Variants in SLC25A13 observed in about 807,000 individuals in gnomAD.
SLC25A13 encodes the protein solute carrier family 25 member 13.
Under a neutral mutation model 85.5 loss-of-function variants are expected in SLC25A13, and 70 were observed. That is an observed-to-expected ratio of 0.82 (90% CI 0.68 to 1.00). The LOEUF (loss-of-function observed/expected upper bound fraction) is 1.00. SLC25A13 is among the 50% of genes least tolerant of loss of function. SLC25A13 has a pLI of 0.00. For synonymous variants in SLC25A13, 259 were observed against 288.7 expected (o/e 0.90, Z 1.04); for missense variants, 765 against 819.8 (o/e 0.93, Z 0.82).
chr7:96,219,721 T>A, intron 4 of SLC25A13: 1 of 534,620 alleles, frequency 1.9e-6, no homozygotes, highest in Admixed American at 1.9e-5. Flanking sequence ...TCTACACTAT[T>A]ACAATGAGAA....
chr7:96,289,119 C>T (rs1799009533), intron 2 of SLC25A13, among the ~76,000 whole-genome samples: 1 of 152,236 alleles, frequency 6.6e-6, no homozygotes, highest in South Asian at 2.1e-4. Flanking sequence ...TGTTCTGCAG[C>T]CTCCGCTGCT....
At chr7:96,226,321 T>C (rs1363633916) in intron 4 of SLC25A13, among the ~76,000 whole-genome samples, 3 of 152,222 alleles carry the variant, frequency 2.0e-5, no homozygotes, top group Non-Finnish European at 4.4e-5. Context: ...TCAAGGTTCA[T>C]TCATGTTGTC....
intron 11 of SLC25A13, among the ~76,000 whole-genome samples, chr7:96,172,781 C>A (rs915915534): frequency 1.3e-5 from 2 of 151,424 alleles, no homozygotes; most frequent in Admixed American, 1.3e-4. Flanking sequence ...TTTTTTTTGA[C>A]GGAGTCTCAC....
intron 4 of SLC25A13, among the ~76,000 whole-genome samples, chr7:96,223,301 C>T (rs114357889): frequency 0.015 from 2,240 of 152,152 alleles, 51 homozygotes; most frequent in African/African-American, 0.051. Flanking sequence ...TAAAATTGCA[C>T]GTAAAACATA....
intron 13 of SLC25A13, among the ~76,000 whole-genome samples, chr7:96,152,188 C>T (rs1020498561): frequency 1.3e-5 from 2 of 152,032 alleles, no homozygotes; most frequent in Non-Finnish European, 2.9e-5. Context: ...CTGGAGCCAA[C>T]TCATGGAAGG....
chr7:96,124,852 TAC>T (rs1040096567), intron 15 of SLC25A13, among the ~76,000 whole-genome samples: 3 of 152,216 alleles, frequency 2.0e-5, no homozygotes, highest in African/African-American at 7.2e-5. Context: ...ATTTAAACGT[TAC>T]ATGCATTTGT....
intron 4 of SLC25A13, among the ~76,000 whole-genome samples, chr7:96,221,948 T>C (rs1796145920): frequency 6.6e-6 from 1 of 152,188 alleles, no homozygotes; most frequent in Admixed American, 6.5e-5. Flanking sequence ...TTAACTAGCT[T>C]AGAAATCGCC....
intron 5 of SLC25A13, among the ~76,000 whole-genome samples, chr7:96,201,492 A>T (rs1795254090): frequency 7.2e-6 from 1 of 139,540 alleles, no homozygotes; most frequent in African/African-American, 2.7e-5. Flanking sequence ...AGCCTGGGTG[A>T]CAGAGTGAGA....
chr7:96,155,674 T>C (rs892313350), intron 13 of SLC25A13, among the ~76,000 whole-genome samples: 13 of 152,210 alleles, frequency 8.5e-5, no homozygotes, highest in African/African-American at 2.2e-4. Flanking sequence ...AAAGAAGAGA[T>C]AGCTGTAACT....
chr7:96,284,149 T>C (rs1201908178), intron 2 of SLC25A13, among the ~76,000 whole-genome samples: 3 of 152,054 alleles, frequency 2.0e-5, no homozygotes, highest in African/African-American at 4.8e-5. Flanking sequence ...AAAAAGTATT[T>C]GTAACATAGC....
chr7:96,164,324 T>C (rs1377657262), intron 13 of SLC25A13, among the ~76,000 whole-genome samples: 2 of 152,158 alleles, frequency 1.3e-5, no homozygotes, highest in East Asian at 3.8e-4. Context: ...TCCAAGCTGA[T>C]TGCCATTTGT....
intron 4 of SLC25A13, among the ~76,000 whole-genome samples, chr7:96,226,918 G>C (rs1320150240): frequency 6.6e-6 from 1 of 151,624 alleles, no homozygotes; most frequent in Non-Finnish European, 1.5e-5. Context: ...TACTCCCTTT[G>C]AATACCCCTC....
Position 96,184,558 on chromosome 7 carries a change from T to C in SLC25A13, c.1019-123A>G, listed in dbSNP as rs547530098. 1,202 of 917,928 alleles carry C rather than the reference T, an allele frequency of 1.3e-3. 3 individuals are homozygous for C. Among genetic ancestry groups the C allele is most frequent in the Non-Finnish European group, 1.7e-3 (1,008 of 587,460 alleles). The allele number at this position is 917,928 out of a possible 1,614,324, so 56.9% of individuals were successfully genotyped here. A position where few individuals can be genotyped will look rare whatever the true frequency, so the allele number is the denominator to read the frequency against. Reference sequence around the variant, plus strand: ...GTGTTTTGAATTTTAAATACAGATTTTAAAACAGTACTACCTTTCTTATAT... The same window carrying C: ...GTGTTTTGAATTTTAAATACAGATTCTAAAACAGTACTACCTTTCTTATAT... On this transcript the variant is annotated intron_variant, in intron 10 of 17. Coordinates refer to ENST00000265631, the MANE Select transcript of SLC25A13 (RefSeq NM_014251.3).
At chr7:96,243,157 G>A (rs940735440) in intron 3 of SLC25A13, among the ~76,000 whole-genome samples, 12 of 152,068 alleles carry the variant, frequency 7.9e-5, no homozygotes, top group Non-Finnish European at 1.6e-4. Flanking sequence ...GTAGAGACAG[G>A]GTTTCACCAT....
chr7:96,174,933 C>T (rs942476086), intron 11 of SLC25A13, among the ~76,000 whole-genome samples: 1 of 152,224 alleles, frequency 6.6e-6, no homozygotes, highest in Non-Finnish European at 1.5e-5. Flanking sequence ...TCTCTGTCTG[C>T]CTGGTACTGA....
At chr7:96,309,517 G>A (rs1031515419) in intron 1 of SLC25A13, 2 of 152,162 alleles carry the variant, frequency 1.3e-5, no homozygotes, top group Non-Finnish European at 2.9e-5. Context: ...ATTAGAAAAA[G>A]GTTTACAACA....
In SLC25A13 at chr7:96,170,071, C is replaced by T. The variant is rs1389667048; in HGVS notation, c.1285G>A (p.Ala429Thr). Residue 429 changes from alanine to threonine, a missense_variant, in exon 13 of 18, where the codon GCA becomes ACA. Physicochemically the swap from Ala to Thr is moderately conservative, Grantham distance 58 (BLOSUM62 0). Coordinates refer to ENST00000265631, the MANE Select transcript of SLC25A13 (RefSeq NM_014251.3). ...CAGCCTCCAGCAAGAATTTCTGCTG[C>T]AAGTGGGACCGAACCATCTTTGTGC... ...FMHKDGSVPLAAEILAGGCAG... is the reference protein window; with the variant it reads ...FMHKDGSVPLTAEILAGGCAG... 1.2e-6 allele frequency: 2 copies of T among 1,614,168 alleles called. No individual in the cohort carries two copies. Among genetic ancestry groups the T allele is most frequent in the South Asian group, 1.1e-5 (1 of 91,088 alleles).
At chr7:96,259,409 A>G (rs1200645900) in intron 3 of SLC25A13, among the ~76,000 whole-genome samples, 1 of 152,194 alleles carries the variant, frequency 6.6e-6, no homozygotes, top group Non-Finnish European at 1.5e-5. Flanking sequence ...ATATGAACAG[A>G]CACTTCTGAA....
intron 5 of SLC25A13, among the ~76,000 whole-genome samples, chr7:96,206,686 T>A (rs1795474754): frequency 1.3e-5 from 2 of 152,158 alleles, no homozygotes; most frequent in Non-Finnish European, 2.9e-5. Flanking sequence ...TCATCCCACA[T>A]AGGACACTGT....
Sources: allele counts gnomAD v4.1 joint callset (sites outside exome capture counted in the v4.1 genomes callset), GRCh38; gene constraint gnomAD v4.1.1; transcripts MANE v1.5; gene names NCBI Gene and HGNC (gene_info 2026-07-23, HGNC 2026-07-21).